The following TLK2 variants were observed in gnomAD, a reference collection of about 807,000 sequenced individuals.
TLK2 encodes the protein serine/threonine-protein kinase tousled-like 2.
TLK2 carries 6 observed loss-of-function variants against 117.3 expected under a neutral mutation model. The ratio of observed to expected loss-of-function variants is 0.05; its 90% confidence interval spans 0.03 to 0.10. TLK2 has a LOEUF of 0.10. Ranked by LOEUF, TLK2 falls within the 10% of genes least tolerant of loss-of-function variation. The pLI is 1.00. For synonymous variants in TLK2, 257 were observed against 316.7 expected (o/e 0.81, Z 2.00); for missense variants, 299 against 901.2 (o/e 0.33, Z 8.56).
At chr17:62,504,849 ATTATTTAT>A (rs1598268431) in intron 2 of TLK2, among the ~76,000 whole-genome samples, 1 of 151,962 alleles carries the variant, frequency 6.6e-6, no homozygotes, top group Non-Finnish European at 1.5e-5. Flanking sequence ...AGTCTATTTT[ATTATTTAT>A]TTATTTATTA....
chr17:62,507,198 C>G (rs1414858479), intron 2 of TLK2, among the ~76,000 whole-genome samples: 1 of 151,782 alleles, frequency 6.6e-6, no homozygotes, highest in Non-Finnish European at 1.5e-5. Context: ...CGCTTGAACC[C>G]AGGAGGCAGA....
intron 6 of TLK2, 91 bp from the exon 7 acceptor site, chr17:62,536,079 T>C (rs1399349375): frequency 7.7e-6 from 11 of 1,428,458 alleles, no homozygotes; most frequent in Admixed American, 7.2e-5. Flanking sequence ...ATTCATCTTA[T>C]ATTTGATAAC....
intron 14 of TLK2, among the ~76,000 whole-genome samples, chr17:62,579,755 G>A (rs2081074403): frequency 6.6e-6 from 1 of 152,106 alleles, no homozygotes; most frequent in Non-Finnish European, 1.5e-5. Context: ...GGGAACATGT[G>A]GCCCTTGAAT....
intron 7 of TLK2, among the ~76,000 whole-genome samples, chr17:62,540,975 C>G (rs534845725): frequency 1.1e-4 from 17 of 152,268 alleles, no homozygotes; most frequent in African/African-American, 4.1e-4. Flanking sequence ...ACGCTAGCCA[C>G]CTTGTTTTCT....
intron 2 of TLK2, among the ~76,000 whole-genome samples, chr17:62,498,832 G>C (rs1190210530): frequency 1.3e-5 from 2 of 152,080 alleles, no homozygotes; most frequent in African/African-American, 2.4e-5. Context: ...AAGTTAAAAG[G>C]TCTCAGCTCT....
intron 2 of TLK2, among the ~76,000 whole-genome samples, chr17:62,519,936 A>G (rs737037): frequency 0.34 from 50,960 of 151,874 alleles, 8,766 homozygotes; most frequent in Admixed American, 0.4. Flanking sequence ...CACAACCCCT[A>G]TTGTTTTTGG....
At chr17:62,580,534 C>T (rs1365867700) in intron 15 of TLK2, among the ~76,000 whole-genome samples, 1 of 152,122 alleles carries the variant, frequency 6.6e-6, no homozygotes, top group African/African-American at 2.4e-5. Flanking sequence ...CTTTCTTTTA[C>T]AGAATAGATG....
chr17:62,513,479 A>G (rs1439892870), intron 2 of TLK2, among the ~76,000 whole-genome samples: 1 of 151,714 alleles, frequency 6.6e-6, no homozygotes, highest in Non-Finnish European at 1.5e-5. Flanking sequence ...CAGTGCCACC[A>G]TGGCTGGCTA....
In TLK2 at chr17:62,613,005, G is replaced by T. The variant is rs1316005986; in HGVS notation, c.*440G>T. 14 of 152,812 alleles carry T rather than the reference G, an allele frequency of 9.2e-5. No homozygotes were observed. Among genetic ancestry groups the T allele is most frequent in the Admixed American group, 9.2e-4 (14 of 15,288 alleles). 9.5% of individuals were successfully genotyped at this position (152,812 alleles called of 1,614,324 possible). ...GTTCTTTTCTTTTAATAAAGTTTAG[G>T]TAACATCTCCTGAAAAGCTTGTAGC... On this transcript the variant is annotated 3_prime_UTR_variant, in exon 22 of 22. Coordinates refer to ENST00000346027, the MANE Select transcript of TLK2 (RefSeq NM_006852.6).
chr17:62,564,417 T>C (rs974392874), intron 10 of TLK2, among the ~76,000 whole-genome samples: 1 of 151,364 alleles, frequency 6.6e-6, no homozygotes, highest in Non-Finnish European at 1.5e-5. Flanking sequence ...GTGCCTGTAG[T>C]CCCAGCTACT....
chr17:62,490,273 GTTTTC>G (rs2072970935), intron 2 of TLK2, among the ~76,000 whole-genome samples: 1 of 152,102 alleles, frequency 6.6e-6, no homozygotes, highest in African/African-American at 2.4e-5. Flanking sequence ...TTGTCTTTTT[GTTTTC>G]TTATCTAAAT....
At chr17:62,532,920 G>C (rs1433696357) in intron 6 of TLK2, among the ~76,000 whole-genome samples, 1 of 152,108 alleles carries the variant, frequency 6.6e-6, no homozygotes, top group Non-Finnish European at 1.5e-5. Flanking sequence ...AGCAGTTTGA[G>C]AGTACCAATT....
rs189108019 is a variant in TLK2, at chr17:62,536,119, T to G, written c.364-51T>G. 127 of 1,584,838 alleles carry G rather than the reference T, an allele frequency of 8.0e-5. No homozygotes were observed. In the African/African-American group the frequency reaches 1.5e-3, roughly 19 times the overall value. On this transcript the variant is annotated intron_variant, in intron 6 of 21. Coordinates refer to ENST00000346027, the MANE Select transcript of TLK2 (RefSeq NM_006852.6). ...TTTAACCCGTTGCATGTTTGGGCAG[T>G]ATCAGATTATCTTTCTCATGTCATT...
chr17:62,475,293 T>C (rs181455783), upstream of TLK2, among the ~76,000 whole-genome samples: 2 of 152,186 alleles, frequency 1.3e-5, no homozygotes, highest in Admixed American at 6.5e-5. Context: ...CCCAGTTCTG[T>C]CATACCACAG....
chr17:62,611,558 A>G lies in TLK2; in HGVS notation c.2080-834A>G, dbSNP rs114424483. ...CAGAGCAGTCCATTCGAGAGAGCCAATGAACCTATCTGTACCGACACATCA... is the reference window on the plus strand; with the variant it reads ...CAGAGCAGTCCATTCGAGAGAGCCAGTGAACCTATCTGTACCGACACATCA... On this transcript the variant is annotated intron_variant, in intron 21 of 21. Transcript: ENST00000346027. Among the ~76,000 whole-genome samples the G allele has an allele frequency of 5.3e-3, 811 of 152,364 alleles. 5 individuals are homozygous for G. Among genetic ancestry groups the G allele is most frequent in the African/African-American group, 0.018 (761 of 41,584 alleles).
chr17:62,478,816 A>T, upstream of TLK2, among the ~76,000 whole-genome samples: 1 of 136,768 alleles, frequency 7.3e-6, no homozygotes, highest in East Asian at 2.4e-4. Flanking sequence ...TAGTGTGTTT[A>T]CACCGATCAC....
intron 9 of TLK2, among the ~76,000 whole-genome samples, 187 bp from the exon 10 acceptor site, chr17:62,559,829 G>A (rs1003857758): frequency 1.3e-4 from 20 of 152,130 alleles, no homozygotes; most frequent in Non-Finnish European, 2.9e-4. Flanking sequence ...TAGATGATAT[G>A]TTATGAGAGA....
intron 2 of TLK2, among the ~76,000 whole-genome samples, chr17:62,490,210 A>G (rs2072962188): frequency 6.6e-6 from 1 of 152,186 alleles, no homozygotes; most frequent in South Asian, 2.1e-4. Context: ...CTAAACATAT[A>G]CTAGACCTTC....
chr17:62,491,793 C>G (rs2073136267), intron 2 of TLK2, among the ~76,000 whole-genome samples: 1 of 152,088 alleles, frequency 6.6e-6, no homozygotes, highest in Non-Finnish European at 1.5e-5. Flanking sequence ...ACCGTGTTGG[C>G]CAGGATGGTC....
Sources: allele counts gnomAD v4.1 joint callset (sites outside exome capture counted in the v4.1 genomes callset), GRCh38; gene constraint gnomAD v4.1.1; transcripts MANE v1.5; gene names NCBI Gene and HGNC (gene_info 2026-07-23, HGNC 2026-07-21).